RORA: variants seen among roughly 807,000 people sequenced by gnomAD.
RORA encodes nuclear receptor ROR-alpha.
A neutral mutation model predicts 69.5 loss-of-function variants in RORA; 7 were observed. The ratio of observed to expected loss-of-function variants is 0.10; its 90% CI spans 0.06 to 0.19. The LOEUF (loss-of-function observed/expected upper bound fraction) is 0.19. RORA is among the 10% of genes least tolerant of loss of function. The probability of loss-of-function intolerance (pLI) is 1.00; values close to 1 mark genes in which losing one functional copy is unlikely to be tolerated. For missense variants in RORA, 457 were observed against 663.0 expected (o/e 0.69, Z 3.41); for synonymous variants, 261 against 240.8 (o/e 1.08, Z -0.78).
rs769156004 is a variant in RORA, at chr15:60,609,368, AG to A, written c.196+69288del. Among the ~76,000 whole-genome samples, 298 of 152,328 alleles carry A rather than the reference AG, an allele frequency of 2.0e-3. 2 individuals are homozygous for A. The highest frequency in any genetic ancestry group is 2.7e-3 in the Non-Finnish European group (183 of 68,018). On this transcript the variant is annotated intron_variant, in intron 2 of 10. Coordinates refer to ENST00000335670, the MANE Select transcript of RORA (RefSeq NM_134261.3). ...CAAAATAACATGGAACATTAATGGC[AG>A]GGATTTTAGAGGAAACAAAAATGTG...
rs1328085946 is a variant in RORA at position 60,568,963 on chromosome 15, A to AT, written c.197-37113_197-37112insA. On this transcript the variant is annotated intron_variant, in intron 2 of 10. Coordinates refer to ENST00000335670, the MANE Select transcript of RORA (RefSeq NM_134261.3). ...TTGCGCTAAAAAAAAAAAAAAAAAA[A>AT]CTCAATATTATGGCATTTCCTGGAG... is the stretch of plus-strand genomic sequence containing the variant. Among the ~76,000 whole-genome samples, 13 of 143,336 alleles carry AT rather than the reference A, an allele frequency of 9.1e-5. No homozygotes were observed. In the East Asian group the frequency reaches 2.0e-3, roughly 23 times the overall value. 94.0% of individuals were successfully genotyped at this position (143,336 alleles called of 152,430 possible).
intron 2 of RORA, among the ~76,000 whole-genome samples, chr15:60,634,399 C>CTTTTTTTTT (rs10604472): frequency 7.0e-6 from 1 of 142,614 alleles, no homozygotes. Flanking sequence ...AGTGCTACCA[C>CTTTTTTTTT]TTTTTTTTTT....
chr15:61,189,110 C>T (rs2079771990), intron 1 of RORA, among the ~76,000 whole-genome samples: 1 of 152,098 alleles, frequency 6.6e-6, no homozygotes, highest in Non-Finnish European at 1.5e-5. Flanking sequence ...TGCTGAGTTG[C>T]CAGGTAAGAA....
intron 2 of RORA, among the ~76,000 whole-genome samples, chr15:60,550,281 C>T (rs954047022): frequency 1.3e-5 from 2 of 151,796 alleles, no homozygotes; most frequent in Non-Finnish European, 2.9e-5. Context: ...CAGAGTGAGA[C>T]TCCGTCTCAA....
chr15:60,956,142 G>A (rs1893261204), intron 1 of RORA, among the ~76,000 whole-genome samples: 1 of 152,136 alleles, frequency 6.6e-6, no homozygotes, highest in Non-Finnish European at 1.5e-5. Flanking sequence ...GTTCAGTGAT[G>A]AATAGAATTA....
chr15:60,576,824 A>G (rs984732971), intron 2 of RORA, among the ~76,000 whole-genome samples: 5 of 152,226 alleles, frequency 3.3e-5, no homozygotes, highest in African/African-American at 7.2e-5. Context: ...CAAGGTGCCT[A>G]CATTCATGAC....
chr15:61,006,963 A>T (rs868808213), intron 1 of RORA, among the ~76,000 whole-genome samples: 1 of 151,898 alleles, frequency 6.6e-6, no homozygotes, highest in South Asian at 2.1e-4. Context: ...CAGAATCTCA[A>T]TTTCCCGGAG....
chr15:60,784,149 C>T (rs377002257), intron 1 of RORA, among the ~76,000 whole-genome samples: 82 of 152,260 alleles, frequency 5.4e-4, no homozygotes, highest in African/African-American at 1.9e-3. Context: ...GAGAATTATT[C>T]CTTACTCTAA....
At chr15:60,533,729 C>G (rs1245945385) in intron 2 of RORA, among the ~76,000 whole-genome samples, 1 of 152,194 alleles carries the variant, frequency 6.6e-6, no homozygotes, top group Non-Finnish European at 1.5e-5. Flanking sequence ...GAGAACCAGC[C>G]TCCTTACCCT....
intron 1 of RORA, among the ~76,000 whole-genome samples, chr15:61,219,909 C>A (rs946148987): frequency 7.9e-5 from 12 of 152,186 alleles, no homozygotes; most frequent in Admixed American, 6.5e-5. Flanking sequence ...GGTTCAAGAG[C>A]CCTTTCAGTG....
chr15:61,151,459 C>T (rs965846158), intron 1 of RORA, among the ~76,000 whole-genome samples: 1 of 152,222 alleles, frequency 6.6e-6, no homozygotes, highest in African/African-American at 2.4e-5. Context: ...AGCTCCTAAT[C>T]ATTATTAAGT....
intron 2 of RORA, chr15:60,592,311 C>G (rs1305940188): frequency 2.7e-6 from 3 of 1,111,332 alleles, no homozygotes; most frequent in Non-Finnish European, 3.5e-6. Flanking sequence ...CGCGCCCACC[C>G]CTCCCCCTGC....
chr15:61,062,788 C>T (rs1306325844), intron 1 of RORA, among the ~76,000 whole-genome samples: 1 of 152,220 alleles, frequency 6.6e-6, no homozygotes, highest in Admixed American at 6.5e-5. Context: ...AAAAAGCAGT[C>T]TCCATCCCCG....
chr15:61,183,898 G>A (rs1407022528), intron 1 of RORA, among the ~76,000 whole-genome samples: 1 of 152,082 alleles, frequency 6.6e-6, no homozygotes, highest in Admixed American at 6.6e-5. Flanking sequence ...TTGTCAGACA[G>A]ACACGCCTTG....
At chr15:60,505,423 G>A in intron 6 of RORA, 85 bp downstream of exon 6, 16 of 1,299,032 alleles carry the variant, frequency 1.2e-5, no homozygotes, top group Non-Finnish European at 1.8e-5. Context: ...TCTTTAGTCT[G>A]TGTGAACTCT....
At chr15:60,932,736 T>C (rs1892411461) in intron 1 of RORA, among the ~76,000 whole-genome samples, 1 of 152,182 alleles carries the variant, frequency 6.6e-6, no homozygotes, top group Non-Finnish European at 1.5e-5. Flanking sequence ...ACCAAGCCCA[T>C]GGCCCAGCCC....
chr15:60,963,115 C>A (rs187649418), intron 1 of RORA, among the ~76,000 whole-genome samples: 1 of 152,208 alleles, frequency 6.6e-6, no homozygotes, highest in South Asian at 2.1e-4. Context: ...TGGTACATAG[C>A]GTAATTCTCA....
intron 1 of RORA, among the ~76,000 whole-genome samples, chr15:60,874,946 C>T (rs1311393176): frequency 6.6e-6 from 1 of 152,172 alleles, no homozygotes; most frequent in Non-Finnish European, 1.5e-5. Context: ...TCCAGGTAAA[C>T]ATTTATCAGG....
rs539129018 is a variant in RORA, at chr15:60,643,167, A to T, written c.196+35490T>A. On this transcript the variant is annotated intron_variant, in intron 2 of 10. Transcript: ENST00000335670. Reference sequence around the variant, plus strand: ...AGAGCGAAACTTGGTCTCAAAACAAATACATACATACATACATGCACACAT... The same window carrying T: ...AGAGCGAAACTTGGTCTCAAAACAATTACATACATACATACATGCACACAT... 7.9e-5 allele frequency among the ~76,000 whole-genome samples: 12 copies of T among 152,280 alleles called. No homozygotes were observed. The South Asian group carries it at 8.3e-4, about 11-fold the overall frequency.
Sources: allele counts gnomAD v4.1 joint callset (sites outside exome capture counted in the v4.1 genomes callset), GRCh38; gene constraint gnomAD v4.1.1; transcripts MANE v1.5; gene names NCBI Gene and HGNC (gene_info 2026-07-23, HGNC 2026-07-21).